Variants in GPR39 observed in about 807,000 individuals in gnomAD.
The protein encoded by GPR39 is G protein-coupled receptor 39, also known as zinc sensing receptor.
Under a neutral mutation model 18.4 loss-of-function variants are expected in GPR39, and 23 were observed. That is an observed-to-expected ratio of 1.25 (90% CI 0.90 to 1.77). The LOEUF (loss-of-function observed/expected upper bound fraction) is 1.77, where lower values mean the gene tolerates loss of function less well. Among genes scored for constraint, GPR39 ranks in the 40% most tolerant of loss-of-function variants. The pLI, the probability that GPR39 is intolerant of heterozygous loss-of-function variation, is 0.00. For synonymous variants in GPR39, 280 were observed against 257.9 expected, an observed-to-expected ratio of 1.09 and a Z score of -0.82; for missense variants, 647 against 602.4, an observed-to-expected ratio of 1.07 and a Z score of -0.78.
At chr2:132,456,605 A>C (rs1324494608) in intron 1 of GPR39, among the ~76,000 whole-genome samples, 1 of 152,158 alleles carries the variant, frequency 6.6e-6, no homozygotes, top group Admixed American at 6.5e-5. Flanking sequence ...ATGTTTTTGC[A>C]GTGGCTGGTA....
intron 1 of GPR39, among the ~76,000 whole-genome samples, chr2:132,448,892 G>T (rs1467063248): frequency 6.6e-6 from 1 of 152,146 alleles, no homozygotes; most frequent in Non-Finnish European, 1.5e-5. Flanking sequence ...TGCAGCCCCA[G>T]ACATCTTTTT....
intron 1 of GPR39, among the ~76,000 whole-genome samples, chr2:132,467,652 G>A (rs192696932): frequency 1.3e-5 from 2 of 152,298 alleles, no homozygotes; most frequent in African/African-American, 2.4e-5. Context: ...CCATAGTCAA[G>A]TTGGTGAGCT....
chr2:132,646,556 C>G lies in GPR39; in HGVS notation c.*950C>G, dbSNP rs1682095145. The stretch of plus-strand genomic sequence containing the variant: ...TGTTAATAAAGAGCTGTTAAATAGA[C>G]TTATTTACATTTTAAGTCAGAGTTC... On this transcript the variant is annotated 3_prime_UTR_variant, in exon 2 of 2. Coordinates refer to ENST00000329321, the MANE Select transcript of GPR39 (RefSeq NM_001508.3). The G allele has an allele frequency of 1.2e-5, 4 of 335,458 alleles. No homozygotes were observed. The highest frequency in any genetic ancestry group is 2.1e-5 in the Non-Finnish European group (4 of 186,942). 20.8% of individuals were successfully genotyped at this position (335,458 alleles called of 1,614,324 possible).
At chr2:132,498,653 G>T (rs189628632) in intron 1 of GPR39, among the ~76,000 whole-genome samples, 1 of 152,266 alleles carries the variant, frequency 6.6e-6, no homozygotes, top group African/African-American at 2.4e-5. Context: ...TCTTCACACT[G>T]TTTTCCATAG....
chr2:132,622,045 A>G (rs1394436523), intron 1 of GPR39, among the ~76,000 whole-genome samples: 2 of 152,112 alleles, frequency 1.3e-5, no homozygotes, highest in Non-Finnish European at 2.9e-5. Flanking sequence ...TGCTGAGGTG[A>G]GGGGTCCCCT....
chr2:132,502,988 G>T (rs569269349), intron 1 of GPR39, among the ~76,000 whole-genome samples: 1 of 152,108 alleles, frequency 6.6e-6, no homozygotes, highest in African/African-American at 2.4e-5. Context: ...TCATGTTTTT[G>T]ATTTATTTAA....
chr2:132,643,693 CT>C, intron 1 of GPR39, among the ~76,000 whole-genome samples: 1 of 152,214 alleles, frequency 6.6e-6, no homozygotes, highest in African/African-American at 2.4e-5. Flanking sequence ...CTAAGTTTTT[CT>C]TTTTTTGTAG....
At chr2:132,621,654 A>G (rs1192593418) in intron 1 of GPR39, among the ~76,000 whole-genome samples, 1 of 152,126 alleles carries the variant, frequency 6.6e-6, no homozygotes. Context: ...GGTGCCACAG[A>G]AGGTTTGAGT....
At chr2:132,616,575 T>C (rs1681338558) in intron 1 of GPR39, among the ~76,000 whole-genome samples, 1 of 152,198 alleles carries the variant, frequency 6.6e-6, no homozygotes, top group Admixed American at 6.5e-5. Context: ...GTTGACCTTC[T>C]GCAGAATAAA....
intron 1 of GPR39, among the ~76,000 whole-genome samples, chr2:132,534,625 G>A (rs1478797280): frequency 6.6e-6 from 1 of 151,594 alleles, no homozygotes. Context: ...TTAAGAAAAT[G>A]TGGCACATAT....
intron 1 of GPR39, among the ~76,000 whole-genome samples, chr2:132,525,707 A>G (rs1394701138): frequency 4.6e-5 from 7 of 152,344 alleles, no homozygotes; most frequent in Admixed American, 3.9e-4. Context: ...TGTGCCAGGC[A>G]CAGGACTAGC....
chr2:132,492,649 T>C (rs188257353), intron 1 of GPR39, among the ~76,000 whole-genome samples: 5,486 of 134,178 alleles, frequency 0.041, 499 homozygotes, highest in African/African-American at 0.15. Context: ...CATCTATATA[T>C]AATATATATA....
chr2:132,464,635 G>A (rs1680892741), intron 1 of GPR39, among the ~76,000 whole-genome samples: 1 of 152,154 alleles, frequency 6.6e-6, no homozygotes, highest in African/African-American at 2.4e-5. Context: ...TGGGCTGTAT[G>A]TGAGCTCTCA....
chr2:132,633,343 T>TGC (rs1296175222), intron 1 of GPR39, among the ~76,000 whole-genome samples: 4 of 49,024 alleles, frequency 8.2e-5, no homozygotes, highest in Non-Finnish European at 1.4e-4. Flanking sequence ...TACCTCTGTG[T>TGC]GTGTGTGTGT....
At chr2:132,493,064 A>G (rs1681532915) in intron 1 of GPR39, among the ~76,000 whole-genome samples, 2 of 47,042 alleles carry the variant, frequency 4.3e-5, no homozygotes, top group African/African-American at 1.1e-4. Flanking sequence ...TATATACACC[A>G]TATATATACC....
intron 1 of GPR39, among the ~76,000 whole-genome samples, chr2:132,456,899 G>T (rs1490973201): frequency 6.6e-6 from 1 of 152,116 alleles, no homozygotes; most frequent in African/African-American, 2.4e-5. Context: ...TTTCTCTCTG[G>T]CTGCCCTTAA....
intron 1 of GPR39, among the ~76,000 whole-genome samples, chr2:132,598,477 T>TTGC (rs1305164023): frequency 6.7e-6 from 1 of 148,310 alleles, no homozygotes; most frequent in East Asian, 2.1e-4. Context: ...TTTGTTGTTG[T>TTGC]TGTTGTTTAA....
At chr2:132,534,790 G>A (rs1267184934) in intron 1 of GPR39, among the ~76,000 whole-genome samples, 2 of 151,862 alleles carry the variant, frequency 1.3e-5, no homozygotes, top group East Asian at 3.9e-4. Flanking sequence ...ATTGAACAAT[G>A]AGAACACATG....
intron 1 of GPR39, among the ~76,000 whole-genome samples, chr2:132,582,720 G>A (rs952224253): frequency 1.3e-5 from 2 of 152,088 alleles, no homozygotes; most frequent in Non-Finnish European, 2.9e-5. Context: ...GTGCCTGCCT[G>A]CCTCTGCCCA....
Sources: allele counts gnomAD v4.1 joint callset (sites outside exome capture counted in the v4.1 genomes callset), GRCh38; gene constraint gnomAD v4.1.1; transcripts MANE v1.5; gene names NCBI Gene and HGNC (gene_info 2026-07-23, HGNC 2026-07-21).